The following NADSYN1 variants were observed in gnomAD, a reference collection of about 807,000 sequenced individuals.
NADSYN1 encodes glutamine-dependent NAD(+) synthetase.
A neutral mutation model predicts 99.3 loss-of-function variants in NADSYN1; 80 were observed. The observed-to-expected ratio is 0.81, with a 90% confidence interval of 0.67 to 0.97. The LOEUF is 0.97. NADSYN1 is among the 50% of genes least tolerant of loss of function. The pLI is 0.00. For synonymous variants in NADSYN1, 385 were observed against 372.1 expected, an observed-to-expected ratio of 1.03 and a Z score of -0.40; for missense variants, 859 against 948.5, an observed-to-expected ratio of 0.91 and a Z score of 1.24.
At chr11:71,489,137 G>C (rs372875710) in intron 16 of NADSYN1, among the ~76,000 whole-genome samples, 3 of 152,244 alleles carry the variant, frequency 2.0e-5, no homozygotes, top group African/African-American at 7.2e-5. Flanking sequence ...CTGAGAGGCT[G>C]TGTTGAAGTT....
rs1395252741 is a variant in NADSYN1 at position 71,464,092 on chromosome 11, T to C, written c.357T>C (p.Asn119=). The C allele has an allele frequency of 6.2e-7, 1 of 1,612,800 alleles. No homozygotes were observed. The highest frequency in any genetic ancestry group is 8.5e-7 in the Non-Finnish European group (1 of 1,179,544). Residue 119 remains asparagine (N), a synonymous_variant, in exon 5 of 21, where the codon AAT becomes AAC. Coordinates refer to ENST00000319023, the MANE Select transcript of NADSYN1 (RefSeq NM_018161.5). ...LLIRPKMALA[N]EGNYRELRWF... is the part of the protein sequence containing the mutation. Reference sequence around the variant, plus strand: ...TCAGACCCAAGATGGCCTTGGCCAATGAAGGCAACTACCGCGAGCTGCGCT... The same window carrying C: ...TCAGACCCAAGATGGCCTTGGCCAACGAAGGCAACTACCGCGAGCTGCGCT...
chr11:71,467,799 G>A (rs1036429272), intron 5 of NADSYN1, among the ~76,000 whole-genome samples: 3 of 152,078 alleles, frequency 2.0e-5, no homozygotes, highest in African/African-American at 4.8e-5. Context: ...GAGAAGAGGC[G>A]GTATTTGAAA....
intron 11 of NADSYN1, 65 bp from the exon 12 acceptor site, chr11:71,481,291 T>G: frequency 6.5e-7 from 1 of 1,537,028 alleles, no homozygotes; most frequent in Non-Finnish European, 9.0e-7. Flanking sequence ...CCTGCTTGGG[T>G]GGGTTGTTGG....
chr11:71,496,571 AC>A (rs1352817274), intron 18 of NADSYN1: 2 of 152,304 alleles, frequency 1.3e-5, no homozygotes, highest in Non-Finnish European at 2.9e-5. Context: ...CAGGCCAGGG[AC>A]CAGTACCTAT....
chr11:71,482,908 G>C lies in NADSYN1; in HGVS notation c.1210G>C (p.Asp404His), dbSNP rs1949718929. 3.1e-6 allele frequency: 5 copies of C among 1,613,104 alleles called. No homozygotes were observed. Among genetic ancestry groups the C allele is most frequent in the Non-Finnish European group, 4.2e-6 (5 of 1,179,632 alleles). The part of the protein sequence containing the change: ...IVNQISYTPQ[D>H]PRDLCGRILT... ...GAACCAGATCAGCTACACCCCCCAG[G>C]ATCCCCGAGACCTCTGTGGACGCAT... Residue 404 changes from aspartate (D) to histidine (H), a missense_variant, in exon 14 of 21, where the codon GAT (aspartate) becomes CAT (histidine). Physicochemically the swap from Asp to His is moderately conservative, Grantham distance 81 (BLOSUM62 -1). Coordinates refer to ENST00000319023, the MANE Select transcript of NADSYN1 (RefSeq NM_018161.5).
chr11:71,497,483 G>A lies in NADSYN1; in HGVS notation c.1765G>A (p.Glu589Lys). 6.2e-7 allele frequency: 1 copy of A among 1,614,138 alleles called. No individual in the cohort carries two copies. Reference protein sequence around the residue: ...ADGQVSQTDEEDMGMTYAELS... With the variant: ...ADGQVSQTDEKDMGMTYAELS... ...TGGAACAGATTTTTGTTGTGCACAG[G>A]AAGATATGGGGATGACATATGCGGA... is the stretch of plus-strand genomic sequence containing the variant. Residue 589 changes from glutamate (E) to lysine (K), a missense_variant and splice_region_variant, in exon 19 of 21, where the codon GAA (glutamate) becomes AAA (lysine). Transcript: ENST00000319023.
chr11:71,474,003 G>C (rs774025174), intron 8 of NADSYN1, among the ~76,000 whole-genome samples: 1 of 152,212 alleles, frequency 6.6e-6, no homozygotes. Flanking sequence ...CCTGCTGTTG[G>C]GCAGTGAGAC....
At chr11:71,479,916 G>A (rs1949694117) in intron 10 of NADSYN1, 1 of 152,202 alleles carries the variant, frequency 6.6e-6, no homozygotes, top group Non-Finnish European at 1.5e-5. Flanking sequence ...CACAGGGAGT[G>A]GCTGTAGCTT....
rs1450887435 is a variant in NADSYN1 at position 71,482,871 on chromosome 11, C to G, written c.1173C>G (p.Val391=). The G allele has an allele frequency of 5.6e-6, 9 of 1,612,806 alleles. No homozygotes were observed. Among genetic ancestry groups the G allele is most frequent in the Non-Finnish European group, 7.6e-6 (9 of 1,179,526 alleles). ...CAGATGAGGAAGTGCTGGCTGATGT[C>G]CGCACCATCGTGAACCAGATCAGCT... ...RSGNEEVLAD[V]RTIVNQISYT... is the part of the protein sequence containing the mutation. Residue 391 remains valine (V), a synonymous_variant, in exon 14 of 21, where the codon GTC becomes GTG. Coordinates refer to ENST00000319023, the MANE Select transcript of NADSYN1 (RefSeq NM_018161.5).
intron 17 of NADSYN1, 25 bp from the exon 18 acceptor site, chr11:71,491,809 C>T (rs199757213): frequency 5.6e-5 from 90 of 1,611,968 alleles, no homozygotes; most frequent in Non-Finnish European, 7.0e-5. Flanking sequence ...CTGCACTGAC[C>T]GACCTCTGTG....
chr11:71,475,840 G>T (rs1311381516), intron 9 of NADSYN1, among the ~76,000 whole-genome samples: 3 of 152,112 alleles, frequency 2.0e-5, no homozygotes, highest in Admixed American at 2.0e-4. Context: ...CTCCCAAGTA[G>T]CTGGGACTAC....
chr11:71,485,726 T>C (rs958837708), intron 16 of NADSYN1, 78 bp downstream of exon 16: 2 of 1,082,316 alleles, frequency 1.8e-6, no homozygotes, highest in Non-Finnish European at 2.6e-6. Context: ...TGTGAGATTC[T>C]ATCATCCTGT....
chr11:71,466,022 A>G (rs1452581956), intron 5 of NADSYN1, among the ~76,000 whole-genome samples: 1 of 152,194 alleles, frequency 6.6e-6, no homozygotes, highest in Non-Finnish European at 1.5e-5. Context: ...TTTCTGGAGC[A>G]AAATTCTTTG....
rs141216813 is a variant in NADSYN1 at position 71,469,123 on chromosome 11, T to C, written c.408-3326T>C. ...CAATAAACTGGCTCTAATATTTCCATGGAAGAGCAAAAGGCCACAAATAGC... is the reference window on the plus strand; with the variant it reads ...CAATAAACTGGCTCTAATATTTCCACGGAAGAGCAAAAGGCCACAAATAGC... On this transcript the variant is annotated intron_variant, in intron 5 of 20. Transcript: ENST00000319023. Among the ~76,000 whole-genome samples the C allele has an allele frequency of 3.4e-3, 509 of 151,724 alleles. 1 individual carries two copies. Among genetic ancestry groups the C allele is most frequent in the African/African-American group, 0.012 (492 of 41,488 alleles).
At position 71,478,458 on chromosome 11, in the gene NADSYN1, C is replaced by T. The variant is rs547470892; in HGVS notation, c.862C>T (p.Arg288Ter). The T allele has an allele frequency of 1.6e-5, 26 of 1,604,578 alleles. No homozygotes were observed. Among genetic ancestry groups the T allele is most frequent in the African/African-American group, 4.0e-5 (3 of 74,822 alleles). The change falls in exon 10 of 21, where the codon CGA becomes TGA. Residue 288 changes from arginine (R) to a stop codon, truncating the protein, a stop_gained. Coordinates refer to ENST00000319023, the MANE Select transcript of NADSYN1 (RefSeq NM_018161.5). LOFTEE classifies it high-confidence loss of function. The part of the protein sequence containing the change: ...VRSYRAEISS[R>*]NLAASRASPY... ...GAGCTACAGGGCGGAGATTTCATCT[C>T]GAAACCTGGCGGTGAGTGCTCCAGT...
rs1949783333 is a variant in NADSYN1, at chr11:71,492,046, A to T, written c.1764+143A>T. The T allele has an allele frequency of 4.4e-6, 3 of 681,602 alleles. No homozygotes were observed. In the African/African-American group the frequency reaches 5.4e-5, roughly 12 times the overall value. The allele number at this position is 681,602 out of a possible 1,614,324, so 42.2% of individuals were successfully genotyped here. On this transcript the variant is annotated intron_variant, in intron 18 of 20. Transcript: ENST00000319023. Reference sequence around the variant, plus strand: ...TCCCTGGCCTGGGTGCCCAGGGCTCAGTGTCAGTCACATCCCTGGCCTTTG... The same window carrying T: ...TCCCTGGCCTGGGTGCCCAGGGCTCTGTGTCAGTCACATCCCTGGCCTTTG...
chr11:71,475,129 TAGC>T (rs1402848756), intron 9 of NADSYN1: 1 of 164,666 alleles, frequency 6.1e-6, no homozygotes, highest in Admixed American at 5.5e-5. Context: ...CCTTTGAAAT[TAGC>T]AGGCTCCATG....
In NADSYN1 at chr11:71,483,251, G is replaced by A. The variant is rs1949720964; in HGVS notation, c.1319+234G>A. Among the ~76,000 whole-genome samples, 3 of 152,236 alleles carry A rather than the reference G, an allele frequency of 2.0e-5. No individual in the cohort carries two copies. In the South Asian group the frequency reaches 6.2e-4, roughly 32 times the overall value. ...CAGCAATTGCTTAAATGTGCACCTA[G>A]GAGCTTATCAGGGCTCCACTTTCTC... is the stretch of plus-strand genomic sequence containing the variant. On this transcript the variant is annotated intron_variant, in intron 14 of 20. Transcript: ENST00000319023.
chr11:71,454,968 T>C (rs954699564), intron 1 of NADSYN1, 142 bp from the exon 2 acceptor site: 2 of 646,846 alleles, frequency 3.1e-6, no homozygotes, highest in African/African-American at 1.8e-5. Flanking sequence ...CCTGACTGCA[T>C]CCCGTCTGGG....
Sources: allele counts gnomAD v4.1 joint callset (sites outside exome capture counted in the v4.1 genomes callset), GRCh38; gene constraint gnomAD v4.1.1; transcripts MANE v1.5; gene names NCBI Gene and HGNC (gene_info 2026-07-23, HGNC 2026-07-21).